Variants in SOX5 observed in about 807,000 individuals in gnomAD.
SOX5 encodes SRY-box transcription factor 5, also known as transcription factor SOX-5.
Under a neutral mutation model 92.0 loss-of-function variants are expected in SOX5, and 9 were observed. The observed-to-expected ratio is 0.10, with a 90% CI of 0.06 to 0.17. The LOEUF (loss-of-function observed/expected upper bound fraction) is 0.17, where lower values mean the gene tolerates loss of function less well. SOX5 is among the 10% of genes least tolerant of loss of function. The pLI is 1.00. For synonymous variants in SOX5, 344 were observed against 336.3 expected (o/e 1.02, Z -0.25); for missense variants, 642 against 944.5 (o/e 0.68, Z 4.20).
chr12:23,557,975 C>CAA (rs371140908), intron 11 of SOX5, among the ~76,000 whole-genome samples: 1,485 of 112,850 alleles, frequency 0.013, 24 homozygotes, highest in African/African-American at 0.021. Flanking sequence ...GACTCCGCCT[C>CAA]AAAAAAAAAA....
chr12:23,633,153 A>G (rs1194713047), intron 8 of SOX5, among the ~76,000 whole-genome samples: 2 of 152,116 alleles, frequency 1.3e-5, no homozygotes, highest in East Asian at 3.8e-4. Context: ...TTTGGCCAAG[A>G]CAAATACAGT....
chr12:24,219,332 C>T (rs370918698), intron 3 of SOX5, among the ~76,000 whole-genome samples: 8 of 151,848 alleles, frequency 5.3e-5, no homozygotes, highest in South Asian at 2.1e-4. Context: ...CACAAAGAAA[C>T]GATAATTGCT....
At chr12:24,525,335 A>G (rs1950605053) in intron 1 of SOX5, among the ~76,000 whole-genome samples, 2 of 152,194 alleles carry the variant, frequency 1.3e-5, no homozygotes, top group Non-Finnish European at 2.9e-5. Context: ...AAAATAGTCA[A>G]ATTCCTAGAA....
At chr12:23,707,093 G>A (rs1007217222) in intron 6 of SOX5, among the ~76,000 whole-genome samples, 2 of 152,096 alleles carry the variant, frequency 1.3e-5, no homozygotes, top group Non-Finnish European at 1.5e-5. Context: ...ATGAAATAAA[G>A]TATTAAATAA....
intron 4 of SOX5, among the ~76,000 whole-genome samples, chr12:24,025,533 C>CT (rs1491311456): frequency 6.6e-6 from 1 of 151,924 alleles, no homozygotes; most frequent in African/African-American, 2.4e-5. Flanking sequence ...AGAACAGTGA[C>CT]TCTCTGTCTG....
chr12:24,498,641 C>T (rs1237809115), intron 1 of SOX5, among the ~76,000 whole-genome samples: 2 of 152,138 alleles, frequency 1.3e-5, no homozygotes, highest in African/African-American at 4.8e-5. Context: ...TACATAATTC[C>T]TACCTAAATA....
chr12:24,004,094 T>G (rs1312192626), intron 4 of SOX5, among the ~76,000 whole-genome samples: 8 of 151,826 alleles, frequency 5.3e-5, no homozygotes, highest in African/African-American at 1.9e-4. Context: ...CAATTAGATA[T>G]CCATGAGCCA....
Position 23,905,640 on chromosome 12 carries a change from T to C in SOX5, c.39-9616A>G, listed in dbSNP as rs538040182. Among the ~76,000 whole-genome samples, 3 of 152,238 alleles carry C rather than the reference T, an allele frequency of 2.0e-5. No homozygotes were observed. In the East Asian group the frequency reaches 5.8e-4, roughly 29 times the overall value. On this transcript the variant is annotated intron_variant, in intron 1 of 14. Transcript: ENST00000451604. ...AAATCATTTTATAATGTTTAATACT[T>C]GAAAAAGATTAATTAGAGTTAATTG... is the stretch of plus-strand genomic sequence containing the variant.
At chr12:24,212,833 G>A (rs1594326692) in intron 4 of SOX5, among the ~76,000 whole-genome samples, 1 of 152,146 alleles carries the variant, frequency 6.6e-6, no homozygotes, top group Admixed American at 6.5e-5. Context: ...ATATTCTCTG[G>A]TTACTATTAG....
Position 24,469,230 on chromosome 12 carries a change from C to T in SOX5, c.-251+93099G>A, listed in dbSNP as rs1047118701. Among the ~76,000 whole-genome samples the T allele has an allele frequency of 5.9e-5, 9 of 152,178 alleles. 1 individual carries two copies. The highest frequency in any genetic ancestry group is 4.2e-4 in the South Asian group (2 of 4,802). ...GGTCCAGGTTCCTATGAGACTTTAA[C>T]GTCACAGCTGATCTGACAGGAGGTG... On this transcript the variant is annotated intron_variant, in intron 1 of 4. Transcript: ENST00000446891.
intron 1 of SOX5, among the ~76,000 whole-genome samples, chr12:24,528,966 G>C (rs1227475865): frequency 6.6e-6 from 1 of 152,160 alleles, no homozygotes; most frequent in Non-Finnish European, 1.5e-5. Context: ...TAGAACATTT[G>C]AGATTTTACA....
intron 3 of SOX5, among the ~76,000 whole-genome samples, chr12:23,816,670 A>G (rs1481415430): frequency 6.6e-6 from 1 of 152,200 alleles, no homozygotes; most frequent in African/African-American, 2.4e-5. Context: ...GGTGACTAGG[A>G]AAAACAGCAG....
At chr12:24,113,129 A>G (rs189627301) in intron 4 of SOX5, among the ~76,000 whole-genome samples, 1 of 151,612 alleles carries the variant, frequency 6.6e-6, no homozygotes, top group Admixed American at 6.6e-5. Context: ...TGTAATATAA[A>G]GTAGGAAATT....
At chr12:23,570,510 A>G (rs1024084997) in intron 10 of SOX5, among the ~76,000 whole-genome samples, 3 of 151,684 alleles carry the variant, frequency 2.0e-5, no homozygotes, top group Non-Finnish European at 4.4e-5. Context: ...GGGCATGGTG[A>G]CTCATACCTG....
chr12:24,341,417 G>A (rs1001515353), intron 2 of SOX5, among the ~76,000 whole-genome samples: 7 of 152,184 alleles, frequency 4.6e-5, no homozygotes, highest in South Asian at 2.1e-4. Flanking sequence ...GGTGGAGGCC[G>A]CAGTGAGCTG....
intron 1 of SOX5, among the ~76,000 whole-genome samples, chr12:24,456,942 C>G (rs570582666): frequency 8.5e-5 from 13 of 152,188 alleles, no homozygotes; most frequent in African/African-American, 2.4e-4. Context: ...CACATTCTTA[C>G]GGCTGTGTAG....
chr12:23,642,846 G>C (rs1343451123), intron 7 of SOX5, among the ~76,000 whole-genome samples: 1 of 146,388 alleles, frequency 6.8e-6, no homozygotes, highest in Non-Finnish European at 1.5e-5. Flanking sequence ...CCAGCACTTT[G>C]GGAGGCCGAG....
At chr12:23,774,128 G>C (rs958771668) in intron 3 of SOX5, among the ~76,000 whole-genome samples, 1 of 152,046 alleles carries the variant, frequency 6.6e-6, no homozygotes, top group Admixed American at 6.6e-5. Context: ...GCTTAATAGG[G>C]GATAGCTGCT....
In SOX5 at chr12:24,088,400, T is replaced by G. The variant is rs117867698; in HGVS notation, c.-2+124943A>C. Among the ~76,000 whole-genome samples, 1,114 of 152,240 alleles carry G rather than the reference T, an allele frequency of 7.3e-3. 5 individuals are homozygous for G. The highest frequency in any genetic ancestry group is 0.014 in the Middle Eastern group (4 of 294). ...ACAGTCTACTATCAACTATTTTCAC[T>G]ACTAAAAGCTGCTTTAGTGAGGTTT... On this transcript the variant is annotated intron_variant, in intron 4 of 4. Transcript: ENST00000446891.
Sources: allele counts gnomAD v4.1 joint callset (sites outside exome capture counted in the v4.1 genomes callset), GRCh38; gene constraint gnomAD v4.1.1; transcripts MANE v1.5; gene names NCBI Gene and HGNC (gene_info 2026-07-23, HGNC 2026-07-21).